SEC24C: variants seen among roughly 807,000 people sequenced by gnomAD.
SEC24C encodes SEC24 homolog C, COPII component.
In SEC24C, 22 loss-of-function variants were observed where a neutral mutation model predicts 117.0. That is an observed-to-expected ratio of 0.19 (90% CI 0.13 to 0.27). The LOEUF (loss-of-function observed/expected upper bound fraction) is 0.27. Ranked by LOEUF, SEC24C falls within the 10% of genes least tolerant of loss-of-function variation. The pLI is 1.00. For missense variants in SEC24C, 1,155 were observed against 1,375.1 expected (o/e 0.84, Z 2.53); for synonymous variants, 506 against 529.4 (o/e 0.96, Z 0.61).
At chr10:73,751,774 G>A (rs1421440986) in intron 3 of SEC24C, 3 of 152,102 alleles carry the variant, frequency 2.0e-5, no homozygotes, top group Non-Finnish European at 4.4e-5. Flanking sequence ...TAGTACCTGG[G>A]TTCCTTTGCA....
chr10:73,763,717 A>AAGTT, intron 7 of SEC24C, 116 bp downstream of exon 7: 1 of 711,334 alleles, frequency 1.4e-6, no homozygotes, highest in Admixed American at 3.5e-5. Flanking sequence ...AACCAGAGAC[A>AAGTT]AGTTCCCTCT....
chr10:73,751,018 T>G, intron 2 of SEC24C, 90 bp from the exon 3 acceptor site: 6 of 1,435,010 alleles, frequency 4.2e-6, no homozygotes, highest in Non-Finnish European at 5.7e-6. Flanking sequence ...AGTGAAGGTC[T>G]GAGTTTATTG....
rs759109486 is a variant in SEC24C, at chr10:73,767,118, G to A, written c.1958G>A (p.Gly653Glu). The A allele has an allele frequency of 6.8e-6, 11 of 1,613,970 alleles. No individual in the cohort carries two copies. The highest frequency in any genetic ancestry group is 7.6e-6 in the Non-Finnish European group (9 of 1,180,008). The change falls in exon 14 of 23, where the codon GGG becomes GAG. Residue 653 changes from glycine (G) to glutamate (E), a missense_variant. By Grantham distance (98) the Gly-to-Glu change is moderately conservative. Transcript: ENST00000345254. ...TCCCTGCCCATTGCAGAGGCCCCAG[G>A]GAAACTGAAGAACAGAGATGACAGG... Reference protein sequence around the residue: ...HTSLPIAEAPGKLKNRDDRKL... With the variant: ...HTSLPIAEAPEKLKNRDDRKL...
intron 11 of SEC24C, 44 bp from the exon 12 acceptor site, chr10:73,766,306 G>A (rs369038904): frequency 1.6e-5 from 25 of 1,581,242 alleles, no homozygotes; most frequent in Non-Finnish European, 2.1e-5. Flanking sequence ...GTTGTGGGTG[G>A]TGGAAAAGGT....
At chr10:73,767,259 C>T in intron 14 of SEC24C, 89 bp downstream of exon 14, 2 of 809,028 alleles carry the variant, frequency 2.5e-6, no homozygotes, top group Non-Finnish European at 4.2e-6. Context: ...TAGGACCAGA[C>T]ACTCCACCCT....
chr10:73,767,182 G>A lies in SEC24C; in HGVS notation c.2010+12G>A, dbSNP rs200188557. The A allele has an allele frequency of 1.0e-4, 163 of 1,556,324 alleles. 1 individual carries two copies. The highest frequency in any genetic ancestry group is 1.3e-4 in the Non-Finnish European group (146 of 1,128,092). ...CAGACAAGGAGAAGGTGTGGGACTG[G>A]AAAATGGGGGAGGGGAAGGATTTTT... On this transcript the variant is annotated intron_variant, in intron 14 of 22. Transcript: ENST00000345254.
intron 2 of SEC24C, among the ~76,000 whole-genome samples, chr10:73,749,979 G>A (rs958369734): frequency 6.6e-6 from 1 of 152,162 alleles, no homozygotes; most frequent in Non-Finnish European, 1.5e-5. Context: ...TTCATAAAGA[G>A]ATATGGAAAA....
Position 73,751,160 on chromosome 10 carries a change from G to A in SEC24C, c.225G>A (p.Gln75=), listed in dbSNP as rs200985529. 2.6e-4 allele frequency: 426 copies of A among 1,614,220 alleles called. No homozygotes were observed. Among genetic ancestry groups the A allele is most frequent in the Middle Eastern group, 8.2e-4 (5 of 6,062 alleles). ...SSGAPPASTA[Q]APCGQAAYGQ... ...GGGCACCTCCAGCCTCAACAGCACAGGCTCCTTGTGGCCAGGCTGCATATG... is the reference window on the plus strand; with the variant it reads ...GGGCACCTCCAGCCTCAACAGCACAAGCTCCTTGTGGCCAGGCTGCATATG... The change falls in exon 3 of 23, where the codon CAG becomes CAA. Residue 75 remains glutamine, a synonymous_variant. Coordinates refer to ENST00000345254, the MANE Select transcript of SEC24C (RefSeq NM_198597.3).
chr10:73,759,025 G>A (rs1039271886), intron 3 of SEC24C, among the ~76,000 whole-genome samples: 3 of 152,266 alleles, frequency 2.0e-5, no homozygotes, highest in African/African-American at 2.4e-5. Flanking sequence ...GCGAGACTCC[G>A]TATCTATAAA....
At chr10:73,748,028 C>CA (rs2082584964) in intron 2 of SEC24C, among the ~76,000 whole-genome samples, 1 of 152,180 alleles carries the variant, frequency 6.6e-6, no homozygotes, top group Non-Finnish European at 1.5e-5. Context: ...CTGCTGACCT[C>CA]AAATGATCCA....
chr10:73,770,352 G>C lies in SEC24C; in HGVS notation c.2935G>C (p.Asp979His). 5.0e-6 allele frequency: 8 copies of C among 1,613,996 alleles called. No homozygotes were observed. The highest frequency in any genetic ancestry group is 6.8e-6 in the Non-Finnish European group (8 of 1,179,978). The change falls in exon 21 of 23, where the codon GAT becomes CAT. Residue 979 changes from aspartate to histidine, a missense_variant. This residue lies in a region of SEC24C where 759 missense variants were observed against 992.3 expected (regional missense o/e 0.76). Coordinates refer to ENST00000345254, the MANE Select transcript of SEC24C (RefSeq NM_198597.3). ...RASEERLSNG[D>H]IYLLENGLNL... is the part of the protein sequence containing the mutation. The stretch of plus-strand genomic sequence containing the variant: ...CTCTGAAGAGCGTCTAAGCAATGGG[G>C]ATATATATTTACTGGAGAATGGGCT...
chr10:73,751,143 C>G lies in SEC24C; in HGVS notation c.208C>G (p.Pro70Ala). 6.2e-7 allele frequency: 1 copy of G among 1,614,202 alleles called. No individual in the cohort carries two copies. ...AGCCCCACCTTCCTCGGGGGCACCT[C>G]CAGCCTCAACAGCACAGGCTCCTTG... The part of the protein sequence containing the change: ...SRAPPSSGAP[P>A]ASTAQAPCGQ... The change falls in exon 3 of 23, where the codon CCA (proline) becomes GCA (alanine). Residue 70 changes from proline to alanine, a missense_variant. Transcript: ENST00000345254.
chr10:73,752,298 T>G (rs1056275832), intron 3 of SEC24C, among the ~76,000 whole-genome samples: 19 of 151,910 alleles, frequency 1.3e-4, no homozygotes, highest in African/African-American at 4.6e-4. Flanking sequence ...ATTTTTTGTA[T>G]TTTTAGTAGA....
chr10:73,759,436 T>C (rs748066874), intron 3 of SEC24C, among the ~76,000 whole-genome samples, 186 bp from the exon 4 acceptor site: 4 of 152,186 alleles, frequency 2.6e-5, no homozygotes, highest in Non-Finnish European at 5.9e-5. Context: ...AAAACAAGAT[T>C]TGCCATGAAT....
In SEC24C at chr10:73,759,729, A is replaced by G; in HGVS notation, c.416A>G (p.Gln139Arg). Residue 139 changes from glutamine to arginine, a missense_variant, in exon 4 of 23, where the codon CAG (glutamine) becomes CGG (arginine). Physicochemically the swap from Gln to Arg is conservative, Grantham distance 43. This residue lies in a region of SEC24C where 396 missense variants were observed against 382.8 expected (regional missense o/e 1.03). Transcript: ENST00000345254. The part of the protein sequence containing the change: ...PPPTSAQVAT[Q>R]LSGMQISGAV... The stretch of plus-strand genomic sequence containing the variant: ...CCGACAAGTGCACAGGTGGCTACGC[A>G]GCTGTCTGGAATGCAGATCAGCGGT... The G allele has an allele frequency of 6.2e-7, 1 of 1,610,242 alleles. No homozygotes were observed. The highest frequency in any genetic ancestry group is 1.1e-5 in the South Asian group (1 of 90,626).
rs745874121 is a variant in SEC24C, at chr10:73,767,048, T to C, written c.1894-6T>C. On this transcript the variant is annotated splice_region_variant and splice_polypyrimidine_tract_variant and intron_variant, in intron 13 of 22. Transcript: ENST00000345254. The stretch of plus-strand genomic sequence containing the variant: ...AATAAACAAGTAGTCCTCTCTTTTT[T>C]CCTAGGCTGCTGAGTGTGCAGGGAA... 3 of 1,607,568 alleles carry C rather than the reference T, an allele frequency of 1.9e-6. No individual in the cohort carries two copies. Among genetic ancestry groups the C allele is most frequent in the Non-Finnish European group, 2.6e-6 (3 of 1,175,026 alleles).
rs2082983593 is a variant in SEC24C, at chr10:73,771,592, T to C, written c.*497T>C. ...GGTGGAGAGAAAAGTGGTCAGTCCTTCTTGGGCCTGGAGGTTAGCAGTCAA... is the reference window on the plus strand; with the variant it reads ...GGTGGAGAGAAAAGTGGTCAGTCCTCCTTGGGCCTGGAGGTTAGCAGTCAA... On this transcript the variant is annotated 3_prime_UTR_variant, in exon 23 of 23. Transcript: ENST00000345254. 1.3e-5 allele frequency: 2 copies of C among 158,070 alleles called. No individual in the cohort carries two copies. The highest frequency in any genetic ancestry group is 2.4e-5 in the African/African-American group (1 of 41,466). 9.8% of individuals were successfully genotyped at this position (158,070 alleles called of 1,614,324 possible). A position where few individuals can be genotyped will look rare whatever the true frequency, so the allele number is the denominator to read the frequency against.
intron 2 of SEC24C, among the ~76,000 whole-genome samples, chr10:73,750,027 A>G (rs1463880312): frequency 1.3e-5 from 2 of 152,250 alleles, no homozygotes; most frequent in Non-Finnish European, 2.9e-5. Context: ...GATTTGGGAA[A>G]TAATGAAGTA....
At chr10:73,757,641 TAG>T (rs2082729943) in intron 3 of SEC24C, among the ~76,000 whole-genome samples, 1 of 151,596 alleles carries the variant, frequency 6.6e-6, no homozygotes, top group Non-Finnish European at 1.5e-5. Context: ...GCACTTTGAT[TAG>T]AGTTGGGCCA....
Sources: gnomAD v4.1 joint callset for allele counts (sites outside exome capture counted in the v4.1 genomes callset) on GRCh38, gnomAD v4.1.1 for gene constraint, gnomAD v4.1.1 regional missense constraint, MANE v1.5 for transcripts, NCBI Gene and HGNC (gene_info 2026-07-23, HGNC 2026-07-21) for gene names.